The following HRH1 variants were observed in gnomAD, a reference collection of about 807,000 sequenced individuals.
HRH1 encodes histamine receptor H1.
HRH1 carries 6 observed loss-of-function variants against 10.3 expected under a neutral mutation model. That is an observed-to-expected ratio of 0.58 (90% confidence interval 0.32 to 1.15). The LOEUF (loss-of-function observed/expected upper bound fraction) is 1.15, where lower values mean the gene tolerates loss of function less well. Ranked by LOEUF, HRH1 falls within the 50% of genes most tolerant of loss-of-function variation. HRH1 has a pLI of 0.05. For synonymous variants in HRH1, 242 were observed against 236.7 expected (o/e 1.02, Z -0.21); for missense variants, 514 against 615.3 (o/e 0.84, Z 1.74).
chr3:11,201,544 C>T (rs1001891695), intron 1 of HRH1, among the ~76,000 whole-genome samples: 4 of 152,062 alleles, frequency 2.6e-5, no homozygotes, highest in African/African-American at 9.7e-5. Context: ...GGGTGTGTGC[C>T]TAACAGTGGG....
intron 1 of HRH1, among the ~76,000 whole-genome samples, chr3:11,201,269 CAGG>C (rs779958830): frequency 3.9e-5 from 6 of 152,178 alleles, no homozygotes; most frequent in Non-Finnish European, 8.8e-5. Context: ...CTCTGATGTG[CAGG>C]AGAAGGATTT....
intron 1 of HRH1, among the ~76,000 whole-genome samples, chr3:11,208,972 C>T (rs1171586302): frequency 6.6e-6 from 1 of 152,196 alleles, no homozygotes; most frequent in Non-Finnish European, 1.5e-5. Context: ...ATTTGCATCA[C>T]CCCAGCCATG....
At chr3:11,222,911 G>A (rs1223821103) in intron 1 of HRH1, among the ~76,000 whole-genome samples, 1 of 152,190 alleles carries the variant, frequency 6.6e-6, no homozygotes, top group Non-Finnish European at 1.5e-5. Flanking sequence ...CTCCAGCCGG[G>A]CGCGGTGGCT....
At chr3:11,257,943 C>T (rs1177631576) in intron 1 of HRH1, among the ~76,000 whole-genome samples, 1 of 152,160 alleles carries the variant, frequency 6.6e-6, no homozygotes, top group African/African-American at 2.4e-5. Flanking sequence ...TCCCAAAATG[C>T]TGGGATTATG....
chr3:11,236,700 TATATATAAATAACTTCTATATATAA>T (rs1939189967), intron 1 of HRH1, among the ~76,000 whole-genome samples: 1 of 152,234 alleles, frequency 6.6e-6, no homozygotes, highest in African/African-American at 2.4e-5. Flanking sequence ...TCTATGCCCC[TATATATAAATAACTTCTATATATAA>T]ATATATAAAT....
At position 11,254,319 on chromosome 3, in the gene HRH1, CTT is replaced by C. The variant is rs199748288; in HGVS notation, c.-35-4683_-35-4682del. 7.6e-3 allele frequency among the ~76,000 whole-genome samples: 1,155 copies of C among 152,304 alleles called. 11 individuals carry two copies. The highest frequency in any genetic ancestry group is 0.024 in the Middle Eastern group (7 of 294). On this transcript the variant is annotated intron_variant, in intron 1 of 1. Transcript: ENST00000431010. ...CTCTTGCGGAAATTTTCAAGTCCCT[CTT>C]AGCATAGGCAGGTTGGTATAAACCC...
chr3:11,257,942 G>C (rs534067358), intron 1 of HRH1, among the ~76,000 whole-genome samples: 36 of 152,220 alleles, frequency 2.4e-4, no homozygotes, highest in Non-Finnish European at 2.6e-4. Flanking sequence ...CTCCCAAAAT[G>C]CTGGGATTAT....
intron 1 of HRH1, among the ~76,000 whole-genome samples, chr3:11,239,141 GTTC>G (rs1456240427): frequency 6.6e-6 from 1 of 152,172 alleles, no homozygotes; most frequent in Non-Finnish European, 1.5e-5. Context: ...GTGTTTCAGA[GTTC>G]TTCTTTCTCC....
intron 1 of HRH1, among the ~76,000 whole-genome samples, chr3:11,235,240 T>A (rs1939149291): frequency 6.6e-6 from 1 of 151,678 alleles, no homozygotes; most frequent in Non-Finnish European, 1.5e-5. Context: ...CTATTAGAAA[T>A]CCCTTCTCAT....
chr3:11,209,015 G>C (rs1938232940), intron 1 of HRH1, among the ~76,000 whole-genome samples: 1 of 152,152 alleles, frequency 6.6e-6, no homozygotes, highest in Non-Finnish European at 1.5e-5. Context: ...CAACTGCCTT[G>C]TATTGCCCAC....
At chr3:11,232,085 G>A (rs1294744758) in intron 1 of HRH1, among the ~76,000 whole-genome samples, 2 of 151,836 alleles carry the variant, frequency 1.3e-5, no homozygotes, top group African/African-American at 4.8e-5. Flanking sequence ...CCGCCTCCCG[G>A]GTTCAAGCGA....
chr3:11,261,544 T>C lies in HRH1; in HGVS notation c.*1043T>C, dbSNP rs59282565. ...GCATATTTTCTCCGAAAGGCAAAAA[T>C]GTGCCCTTTTGGCCGGGCATGGTAG... On this transcript the variant is annotated 3_prime_UTR_variant, in exon 2 of 2. Coordinates refer to ENST00000431010, the MANE Select transcript of HRH1 (RefSeq NM_001098212.2). The C allele has an allele frequency of 2.6e-4, 43 of 167,206 alleles. No individual in the cohort carries two copies. The highest frequency in any genetic ancestry group is 9.9e-4 in the African/African-American group (41 of 41,572). The allele number at this position is 167,206 out of a possible 1,614,324, so 10.4% of individuals were successfully genotyped here.
chr3:11,247,715 C>T (rs1452358508), intron 1 of HRH1, among the ~76,000 whole-genome samples: 4 of 152,110 alleles, frequency 2.6e-5, no homozygotes, highest in Admixed American at 6.6e-5. Flanking sequence ...ACAATTTCCC[C>T]CTCTTGATTT....
chr3:11,184,653 G>A (rs908897632), intron 1 of HRH1, among the ~76,000 whole-genome samples: 2 of 152,054 alleles, frequency 1.3e-5, no homozygotes, highest in African/African-American at 4.8e-5. Flanking sequence ...CCGATGACTC[G>A]CACCTGTAAT....
intron 1 of HRH1, among the ~76,000 whole-genome samples, chr3:11,218,354 A>C (rs1938584285): frequency 6.6e-6 from 1 of 150,962 alleles, no homozygotes; most frequent in African/African-American, 2.4e-5. Context: ...AGGCTGAGGC[A>C]GGAGAATAGC....
At chr3:11,156,590 G>A (rs560032432) in intron 1 of HRH1, among the ~76,000 whole-genome samples, 77 of 152,312 alleles carry the variant, frequency 5.1e-4, no homozygotes, top group Non-Finnish European at 8.8e-4. Context: ...CAGCACTGTT[G>A]CTTATGAGTT....
At chr3:11,226,886 A>T (rs1195168361) in intron 1 of HRH1, among the ~76,000 whole-genome samples, 2 of 15,476 alleles carry the variant, frequency 1.3e-4, no homozygotes, top group Admixed American at 3.5e-4. Flanking sequence ...GACTCAGTCT[A>T]AAAAAAAAAA....
intron 1 of HRH1, among the ~76,000 whole-genome samples, chr3:11,168,646 G>A (rs534089140): frequency 2.6e-4 from 39 of 152,356 alleles, no homozygotes; most frequent in South Asian, 1.2e-3. Context: ...CCTGCGTCCT[G>A]GGGCAACAGC....
At chr3:11,161,231 G>A (rs1348545251) in intron 1 of HRH1, among the ~76,000 whole-genome samples, 1 of 152,234 alleles carries the variant, frequency 6.6e-6, no homozygotes, top group East Asian at 1.9e-4. Flanking sequence ...TTTGATGATT[G>A]TTTGTATAGG....
Sources: gnomAD v4.1 joint callset for allele counts (sites outside exome capture counted in the v4.1 genomes callset) on GRCh38, gnomAD v4.1.1 for gene constraint, MANE v1.5 for transcripts, NCBI Gene and HGNC (gene_info 2026-07-23, HGNC 2026-07-21) for gene names.